KCNMA1: variants seen among roughly 807,000 people sequenced by gnomAD.
KCNMA1 encodes Calcium-activated potassium channel subunit alpha-1.
In KCNMA1, 29 loss-of-function variants were observed where a neutral mutation model predicts 140.0. The ratio of observed to expected loss-of-function variants is 0.21; its 90% CI spans 0.15 to 0.28. The LOEUF is 0.28. KCNMA1 is among the 10% of genes least tolerant of loss of function. The pLI is 1.00. For missense variants in KCNMA1, 880 were observed against 1,602.2 expected (o/e 0.55, Z 7.70); for synonymous variants, 612 against 611.9 (o/e 1.00, Z 0.00).
intron 2 of KCNMA1, among the ~76,000 whole-genome samples, chr10:77,399,715 T>G (rs558166307): frequency 6.6e-6 from 1 of 152,344 alleles, no homozygotes; most frequent in East Asian, 1.9e-4. Context: ...ATTTGTCATT[T>G]CTTAAATTGA....
At chr10:77,537,409 G>A (rs538227595) in intron 1 of KCNMA1, among the ~76,000 whole-genome samples, 152 of 152,198 alleles carry the variant, frequency 1.0e-3, no homozygotes, top group African/African-American at 3.5e-3. Flanking sequence ...TCACATCCTT[G>A]CCCCCACCCA....
chr10:76,884,218 G>C (rs1036624501), downstream of KCNMA1: 1 of 152,310 alleles, frequency 6.6e-6, no homozygotes, highest in Non-Finnish European at 1.5e-5. Flanking sequence ...GTAATACAGT[G>C]ACTGAACCAT....
intron 1 of KCNMA1, chr10:77,636,733 T>C: frequency 6.7e-7 from 1 of 1,494,206 alleles, no homozygotes; most frequent in Non-Finnish European, 8.9e-7. Flanking sequence ...CGGGATTCCC[T>C]TGTGCAAAAT....
chr10:77,306,429 G>A (rs2077741236), intron 2 of KCNMA1, among the ~76,000 whole-genome samples: 1 of 152,182 alleles, frequency 6.6e-6, no homozygotes, highest in South Asian at 2.1e-4. Flanking sequence ...GGGAGAAGAG[G>A]AGAGACATTC....
chr10:76,929,925 T>C (rs2058837346), intron 23 of KCNMA1: 1 of 152,124 alleles, frequency 6.6e-6, no homozygotes, highest in African/African-American at 2.4e-5. Flanking sequence ...CAGAAAACAA[T>C]ATTTACATGC....
At chr10:77,552,000 G>GCCATGGTGGGAAAAATCTCTCTGAC (rs539856852) in intron 1 of KCNMA1, among the ~76,000 whole-genome samples, 2 of 152,152 alleles carry the variant, frequency 1.3e-5, no homozygotes, top group African/African-American at 4.8e-5. Flanking sequence ...ACCTCTCTGA[G>GCCATGGTGGGAAAAATCTCTCTGAC]CCATGGTGGG....
chr10:77,113,613 G>A (rs1191770334), intron 6 of KCNMA1, among the ~76,000 whole-genome samples: 2 of 152,064 alleles, frequency 1.3e-5, no homozygotes, highest in South Asian at 2.1e-4. Flanking sequence ...ACAGGCACCC[G>A]CCACCACGCC....
intron 19 of KCNMA1, among the ~76,000 whole-genome samples, chr10:76,997,069 G>A (rs12264825): frequency 0.32 from 48,785 of 151,968 alleles, 8,204 homozygotes; most frequent in East Asian, 0.56. Flanking sequence ...GTTCACTTAA[G>A]TGACTTTAGT....
intron 3 of KCNMA1, among the ~76,000 whole-genome samples, chr10:77,204,140 T>C (rs1195437989): frequency 2.0e-5 from 3 of 151,884 alleles, no homozygotes; most frequent in Non-Finnish European, 2.9e-5. Context: ...ACTTAAATTA[T>C]ATGACAATTA....
intron 18 of KCNMA1, among the ~76,000 whole-genome samples, chr10:77,010,652 G>A (rs992685789): frequency 2.0e-5 from 3 of 151,966 alleles, no homozygotes; most frequent in Admixed American, 2.0e-4. Flanking sequence ...CACCCCAAGG[G>A]AATTTTCCCC....
intron 5 of KCNMA1, among the ~76,000 whole-genome samples, chr10:77,146,701 CAAAAAAAAAAAAAAAAAAAA>C (rs5786266): frequency 4.7e-5 from 3 of 64,182 alleles, no homozygotes; most frequent in African/African-American, 6.5e-5. Flanking sequence ...GACTTCATCT[CAAAAAAAAAAAAAAAAAAAA>C]AAAAAAAAAG....
In KCNMA1 at chr10:77,022,354, A is replaced by T. The variant is rs1216685331; in HGVS notation, c.1929-3255T>A. ...CCATTAACAGAATTCCAACAAGGAC[A>T]TGTTGGCAGAGGTGGACTTTCCCTC... On this transcript the variant is annotated intron_variant, in intron 16 of 27. Coordinates refer to ENST00000286628, the MANE Select transcript of KCNMA1 (RefSeq NM_001161352.2). 4.6e-5 allele frequency among the ~76,000 whole-genome samples: 7 copies of T among 152,206 alleles called. No individual in the cohort carries two copies. The South Asian group carries it at 1.0e-3, about 23-fold the overall frequency.
At chr10:77,276,742 T>C (rs1161166404) in intron 2 of KCNMA1, among the ~76,000 whole-genome samples, 1 of 152,112 alleles carries the variant, frequency 6.6e-6, no homozygotes, top group East Asian at 1.9e-4. Flanking sequence ...AATCACACAA[T>C]ATATTTATAA....
intron 2 of KCNMA1, among the ~76,000 whole-genome samples, chr10:77,393,320 C>G (rs1040838834): frequency 6.6e-6 from 1 of 152,188 alleles, no homozygotes; most frequent in Admixed American, 6.5e-5. Flanking sequence ...TTCTTCACCC[C>G]CTGACCCGTC....
intron 19 of KCNMA1, chr10:76,974,306 T>C: frequency 1.9e-6 from 1 of 519,514 alleles, no homozygotes; most frequent in Non-Finnish European, 3.4e-6. Context: ...TCGTTTTAAT[T>C]ATTATTAATC....
At chr10:76,929,710 T>C (rs1363814919) in intron 23 of KCNMA1, among the ~76,000 whole-genome samples, 1 of 152,206 alleles carries the variant, frequency 6.6e-6, no homozygotes, top group Non-Finnish European at 1.5e-5. Flanking sequence ...CCTGCATCAA[T>C]GTCTAATTTA....
At chr10:77,492,075 T>A (rs2040147887) in intron 1 of KCNMA1, among the ~76,000 whole-genome samples, 1 of 152,190 alleles carries the variant, frequency 6.6e-6, no homozygotes, top group South Asian at 2.1e-4. Context: ...AAGATTTGAC[T>A]GAATGGGAAG....
chr10:77,604,010 G>C (rs1443162419), intron 1 of KCNMA1, among the ~76,000 whole-genome samples: 1 of 152,220 alleles, frequency 6.6e-6, no homozygotes. Flanking sequence ...TGTGATAAAG[G>C]CCAGATATTA....
intron 19 of KCNMA1, chr10:76,980,552 T>A (rs1040381784): frequency 2.6e-5 from 4 of 152,298 alleles, no homozygotes; most frequent in South Asian, 2.1e-4. Context: ...GGATTTCACA[T>A]GTGGGACAAT....
Sources: gnomAD v4.1 joint callset for allele counts (sites outside exome capture counted in the v4.1 genomes callset) on GRCh38, gnomAD v4.1.1 for gene constraint, MANE v1.5 for transcripts, NCBI Gene and HGNC (gene_info 2026-07-23, HGNC 2026-07-21) for gene names.